Variants in GRB10 observed in about 807,000 individuals in gnomAD.
The protein encoded by GRB10 is growth factor receptor-bound protein 10.
A neutral mutation model predicts 80.9 loss-of-function variants in GRB10; 20 were observed. The ratio of observed to expected loss-of-function variants is 0.25; its 90% CI spans 0.17 to 0.36. The LOEUF (loss-of-function observed/expected upper bound fraction) is 0.36. Ranked by LOEUF, GRB10 falls within the 10% of genes least tolerant of loss-of-function variation. GRB10 has a pLI of 1.00. For missense variants in GRB10, 548 were observed against 747.7 expected (o/e 0.73, Z 3.12); for synonymous variants, 291 against 291.5 (o/e 1.00, Z 0.02).
intron 7 of GRB10, among the ~76,000 whole-genome samples, chr7:50,639,533 C>T (rs1009696717): frequency 2.6e-5 from 4 of 152,116 alleles, no homozygotes; most frequent in Admixed American, 6.6e-5. Context: ...ATTAGCCGGG[C>T]GTAGTGGCAG....
intron 4 of GRB10, among the ~76,000 whole-genome samples, chr7:50,708,622 C>A (rs1235290778): frequency 6.6e-6 from 1 of 150,980 alleles, no homozygotes; most frequent in Non-Finnish European, 1.5e-5. Flanking sequence ...TTCCCAGCCT[C>A]GCCCATTGTG....
intron 7 of GRB10, among the ~76,000 whole-genome samples, chr7:50,631,694 TCCTGTTCTGGGTGACCTACCCTAC>T (rs1287241911): frequency 6.6e-6 from 1 of 152,126 alleles, no homozygotes; most frequent in Admixed American, 6.5e-5. Flanking sequence ...GTGGATGAAA[TCCTGTTCTGGGTGACCTACCCTAC>T]CCTACCTGGC....
intron 1 of GRB10, among the ~76,000 whole-genome samples, chr7:50,789,949 G>C (rs2078845784): frequency 6.6e-6 from 1 of 152,184 alleles, no homozygotes; most frequent in Non-Finnish European, 1.5e-5. Flanking sequence ...GAGTAAGCGG[G>C]TGGTTTTAAG....
At chr7:50,648,141 C>T (rs149006955) in intron 7 of GRB10, among the ~76,000 whole-genome samples, 1 of 151,868 alleles carries the variant, frequency 6.6e-6, no homozygotes, top group East Asian at 1.9e-4. Flanking sequence ...AGGGAGGGAG[C>T]GCAGAGAGGG....
chr7:50,643,647 GAT>G (rs1346638072), intron 7 of GRB10, among the ~76,000 whole-genome samples: 1 of 152,206 alleles, frequency 6.6e-6, no homozygotes, highest in Non-Finnish European at 1.5e-5. Flanking sequence ...ACTTTATTAT[GAT>G]ATGTAAGTGA....
intron 5 of GRB10, among the ~76,000 whole-genome samples, chr7:50,702,644 C>CA (rs1388292445): frequency 6.6e-6 from 1 of 152,152 alleles, no homozygotes; most frequent in Non-Finnish European, 1.5e-5. Flanking sequence ...GGGATACATC[C>CA]AAGACTCAGT....
At chr7:50,775,536 C>A (rs1439845129) in intron 2 of GRB10, among the ~76,000 whole-genome samples, 1 of 152,244 alleles carries the variant, frequency 6.6e-6, no homozygotes, top group Non-Finnish European at 1.5e-5. Flanking sequence ...CTCCATTAGG[C>A]ATTGTCCTTG....
intron 3 of GRB10, among the ~76,000 whole-genome samples, chr7:50,754,206 C>T (rs1587874001): frequency 6.6e-6 from 1 of 152,214 alleles, no homozygotes; most frequent in Admixed American, 6.5e-5. Flanking sequence ...AGAGGCAAGA[C>T]GAGGGACCCA....
At chr7:50,666,102 G>A (rs971339194) in intron 7 of GRB10, among the ~76,000 whole-genome samples, 4 of 152,158 alleles carry the variant, frequency 2.6e-5, no homozygotes, top group African/African-American at 9.7e-5. Flanking sequence ...CAAGGCAGCT[G>A]GGGAAGACCT....
chr7:50,749,130 G>GTTTTTTTTTTTTTTTTTTT (rs71018483), intron 3 of GRB10, among the ~76,000 whole-genome samples: 2 of 139,544 alleles, frequency 1.4e-5, no homozygotes, highest in African/African-American at 5.4e-5. Context: ...TTGTTTTTTT[G>GTTTTTTTTTTTTTTTTTTT]TTTGTTTTTT....
chr7:50,729,810 A>G (rs1461890631), intron 4 of GRB10, among the ~76,000 whole-genome samples: 1 of 145,868 alleles, frequency 6.9e-6, no homozygotes, highest in Non-Finnish European at 1.5e-5. Flanking sequence ...ATTCACAGCT[A>G]TCTCACTTGC....
intron 3 of GRB10, among the ~76,000 whole-genome samples, chr7:50,742,967 C>G (rs1485279612): frequency 1.3e-5 from 2 of 152,118 alleles, no homozygotes; most frequent in Non-Finnish European, 2.9e-5. Flanking sequence ...CTCAAAATGC[C>G]CTAACTGAAT....
At chr7:50,679,263 T>C (rs939566704) in intron 5 of GRB10, among the ~76,000 whole-genome samples, 6 of 152,182 alleles carry the variant, frequency 3.9e-5, no homozygotes, top group Non-Finnish European at 7.4e-5. Flanking sequence ...TTAAAATAGA[T>C]ATAAACTCAG....
intron 17 of GRB10, among the ~76,000 whole-genome samples, chr7:50,603,034 T>C (rs1223575789): frequency 1.2e-4 from 19 of 152,230 alleles, no homozygotes; most frequent in African/African-American, 3.6e-4. Context: ...TATACACTTA[T>C]GTAAATGTGA....
At chr7:50,758,631 GA>G (rs1487340219) in intron 2 of GRB10, among the ~76,000 whole-genome samples, 1 of 152,188 alleles carries the variant, frequency 6.6e-6, no homozygotes, top group Non-Finnish European at 1.5e-5. Flanking sequence ...TGTTCGGCCA[GA>G]GAGCTCTGGA....
At chr7:50,654,614 AT>A (rs2058428508) in intron 7 of GRB10, among the ~76,000 whole-genome samples, 2 of 152,178 alleles carry the variant, frequency 1.3e-5, no homozygotes, top group Admixed American at 1.3e-4. Context: ...TTTTGAAATA[AT>A]TTTATTTTGA....
intron 5 of GRB10, among the ~76,000 whole-genome samples, chr7:50,686,801 G>A (rs949338037): frequency 6.6e-6 from 1 of 152,160 alleles, no homozygotes; most frequent in African/African-American, 2.4e-5. Flanking sequence ...AAGAAACTGA[G>A]GCACCCAAAA....
chr7:50,777,139 C>T (rs2077742674), intron 2 of GRB10, among the ~76,000 whole-genome samples: 1 of 152,166 alleles, frequency 6.6e-6, no homozygotes, highest in Non-Finnish European at 1.5e-5. Flanking sequence ...AGTCCAAGAT[C>T]AAGGCACTGG....
chr7:50,749,779 C>CA, intron 3 of GRB10, among the ~76,000 whole-genome samples: 1 of 152,284 alleles, frequency 6.6e-6, no homozygotes, highest in African/African-American at 2.4e-5. Context: ...AAAGAGAGGG[C>CA]ACCTTTGAAA....
Sources: allele counts gnomAD v4.1 joint callset (sites outside exome capture counted in the v4.1 genomes callset), GRCh38; gene constraint gnomAD v4.1.1; transcripts MANE v1.5; gene names NCBI Gene and HGNC (gene_info 2026-07-23, HGNC 2026-07-21).